The following PSMA2 variants were observed in gnomAD, a reference collection of about 807,000 sequenced individuals.
PSMA2 encodes proteasome 20S subunit alpha 2, also known as proteasome subunit alpha type-2.
In PSMA2, 2 loss-of-function variants were observed where a neutral mutation model predicts 35.9. That is an observed-to-expected ratio of 0.06 (90% CI 0.02 to 0.18). PSMA2 has a LOEUF of 0.18. Among genes scored for constraint, PSMA2 ranks in the 10% least tolerant of loss-of-function variants. The pLI, the probability that PSMA2 is intolerant of heterozygous loss-of-function variation, is 1.00. For missense variants in PSMA2, 126 were observed against 278.8 expected (o/e 0.45, Z 3.90); for synonymous variants, 97 against 98.2 (o/e 0.99, Z 0.07).
intron 6 of PSMA2, chr7:42,919,009 A>G: frequency 4.0e-6 from 1 of 249,630 alleles, no homozygotes. Flanking sequence ...TTTTTAGTAG[A>G]GACGGGGTTT....
At chr7:42,922,505 A>C (rs1401275661) in intron 5 of PSMA2, among the ~76,000 whole-genome samples, 1 of 152,148 alleles carries the variant, frequency 6.6e-6, no homozygotes, top group Non-Finnish European at 1.5e-5. Flanking sequence ...ACAAAAGATA[A>C]AATCAGGATT....
chr7:42,919,767 T>C, intron 6 of PSMA2: 1 of 638,222 alleles, frequency 1.6e-6, no homozygotes, highest in Non-Finnish European at 2.9e-6. Flanking sequence ...TTGTTGCAGG[T>C]GGTGAAGATG....
At chr7:42,924,353 C>CAAAAAAAAAAAAAA (rs58198756) in intron 4 of PSMA2, among the ~76,000 whole-genome samples, 2 of 69,422 alleles carry the variant, frequency 2.9e-5, no homozygotes, top group African/African-American at 1.2e-4. Flanking sequence ...GACTCTGACT[C>CAAAAAAAAAAAAAA]AAAAAAAAAA....
At chr7:42,922,989 A>G (rs1213949067) in intron 5 of PSMA2, among the ~76,000 whole-genome samples, 1 of 152,212 alleles carries the variant, frequency 6.6e-6, no homozygotes, top group Non-Finnish European at 1.5e-5. Flanking sequence ...GATGGCAAAC[A>G]CTACAACACT....
chr7:42,919,326 A>T, intron 6 of PSMA2: 1 of 585,782 alleles, frequency 1.7e-6, no homozygotes, highest in Non-Finnish European at 3.4e-6. Flanking sequence ...AGATGAACTG[A>T]TGACCCTGGC....
intron 1 of PSMA2, among the ~76,000 whole-genome samples, chr7:42,929,207 TA>T (rs1324969066): frequency 6.6e-6 from 1 of 152,192 alleles, no homozygotes; most frequent in East Asian, 1.9e-4. Flanking sequence ...GAAACAGACC[TA>T]AGGGTGACAG....
At chr7:42,931,986 G>T in intron 1 of PSMA2, 132 bp downstream of exon 1, 1 of 1,222,776 alleles carries the variant, frequency 8.2e-7, no homozygotes. Context: ...ACTTTGCAAA[G>T]CCGCATTTCC....
intron 1 of PSMA2, 109 bp downstream of exon 1, chr7:42,932,009 T>C: frequency 7.1e-7 from 1 of 1,415,584 alleles, no homozygotes; most frequent in Non-Finnish European, 1.0e-6. Flanking sequence ...CTCCATTCCC[T>C]ACTGGACCCT....
Position 42,931,445 on chromosome 7 carries a change from A to T in PSMA2, c.41+673T>A, listed in dbSNP as rs631210. Among the ~76,000 whole-genome samples, 837 of 152,332 alleles carry T rather than the reference A, an allele frequency of 5.5e-3. 4 individuals carry two copies. Among genetic ancestry groups the T allele is most frequent in the Non-Finnish European group, 8.7e-3 (589 of 68,030 alleles). On this transcript the variant is annotated intron_variant, in intron 1 of 7. Coordinates refer to ENST00000223321, the MANE Select transcript of PSMA2 (RefSeq NM_002787.5). ...TCTAATCCCCTTTTCTACAATAGAA[A>T]AACCTACAATCTTGTTTAAAGTAAA...
intron 3 of PSMA2, among the ~76,000 whole-genome samples, chr7:42,925,262 A>C (rs769697502): frequency 6.6e-6 from 1 of 152,190 alleles, no homozygotes; most frequent in Non-Finnish European, 1.5e-5. Flanking sequence ...ACAGTAAGAA[A>C]CTACTTGTAA....
In PSMA2 at chr7:42,932,154, G is replaced by A. The variant is rs1250056473; in HGVS notation, c.5C>T (p.Ala2Val). Residue 2 changes from alanine (A) to valine (V), a missense_variant, in exon 1 of 8, where the codon GCG becomes GTG. By Grantham distance (64) the Ala-to-Val change is moderately conservative. This residue lies in a region of PSMA2 where 78 missense variants were observed against 151.1 expected (regional missense o/e 0.52). Transcript: ENST00000223321. ...CAGCGAAAAGCTGTACCCGCGCTCC[G>A]CCATCTTTACCCGAAGAGCCAAAGC... M[A>V]ERGYSFSLTT... 3.1e-6 allele frequency: 5 copies of A among 1,614,032 alleles called. No homozygotes were observed. The highest frequency in any genetic ancestry group is 2.2e-5 in the South Asian group (2 of 91,080).
intron 4 of PSMA2, among the ~76,000 whole-genome samples, chr7:42,924,149 G>A (rs1418948269): frequency 6.7e-6 from 1 of 149,510 alleles, no homozygotes; most frequent in Non-Finnish European, 1.5e-5. Context: ...TTTGAAACCA[G>A]CCTGGCCAAC....
chr7:42,920,746 TAAC>T (rs1786114318), intron 6 of PSMA2: 1 of 152,204 alleles, frequency 6.6e-6, no homozygotes, highest in Admixed American at 6.5e-5. Context: ...TTAATAACCT[TAAC>T]GTTACGTGAA....
At chr7:42,919,078 C>G (rs1786083939) in intron 6 of PSMA2, 2 of 323,624 alleles carry the variant, frequency 6.2e-6, no homozygotes, top group Non-Finnish European at 1.2e-5. Flanking sequence ...CCTGCCTTGG[C>G]CTCCCAAAGT....
intron 6 of PSMA2, chr7:42,919,172 T>C (rs1210162401): frequency 5.3e-6 from 3 of 570,092 alleles, no homozygotes; most frequent in South Asian, 3.1e-5. Flanking sequence ...GGCAAACCTA[T>C]GCTATGCCAG....
chr7:42,931,060 A>G, intron 1 of PSMA2: 1 of 352,938 alleles, frequency 2.8e-6, no homozygotes, highest in South Asian at 2.0e-5. Flanking sequence ...GTTATCAGAA[A>G]AAAAACCCAG....
chr7:42,924,324 A>G (rs973932053), intron 4 of PSMA2, among the ~76,000 whole-genome samples: 1 of 125,662 alleles, frequency 8.0e-6, no homozygotes, highest in Non-Finnish European at 1.6e-5. Context: ...ATTGCACTCC[A>G]GCCTGGGCGA....
chr7:42,916,908 C>T lies in PSMA2; in HGVS notation c.*666G>A, dbSNP rs1786039479. 1 of 152,152 alleles carries T rather than the reference C, an allele frequency of 6.6e-6. No individual in the cohort carries two copies. The highest frequency in any genetic ancestry group is 1.5e-5 in the Non-Finnish European group (1 of 68,030). 9.4% of individuals were successfully genotyped at this position (152,152 alleles called of 1,614,324 possible). A position where few individuals can be genotyped will look rare whatever the true frequency, so the allele number is the denominator to read the frequency against. ...TTTTATTTCAAGCACTTATGCTCATCCTTGAGTTTAAAAAGTCTAACAAAA... is the reference window on the plus strand; with the variant it reads ...TTTTATTTCAAGCACTTATGCTCATTCTTGAGTTTAAAAAGTCTAACAAAA... On this transcript the variant is annotated 3_prime_UTR_variant, in exon 8 of 8. Transcript: ENST00000223321.
rs184733480 is a variant in PSMA2, at chr7:42,920,446, C to T, written c.530+1412G>A. 2.7e-3 allele frequency: 417 copies of T among 152,626 alleles called. 2 individuals carry two copies. The highest frequency in any genetic ancestry group is 4.1e-3 in the Non-Finnish European group (281 of 68,280). 9.5% of individuals were successfully genotyped at this position (152,626 alleles called of 1,614,324 possible). On this transcript the variant is annotated intron_variant, in intron 6 of 7. Coordinates refer to ENST00000223321, the MANE Select transcript of PSMA2 (RefSeq NM_002787.5). ...ATTGGCTTATTTGTCTGACTTTTCC[C>T]TTAAAGCAGAATGTCTTTGTTGCTA...
Sources: gnomAD v4.1 joint callset for allele counts (sites outside exome capture counted in the v4.1 genomes callset) on GRCh38, gnomAD v4.1.1 for gene constraint, gnomAD v4.1.1 regional missense constraint, MANE v1.5 for transcripts, NCBI Gene and HGNC (gene_info 2026-07-23, HGNC 2026-07-21) for gene names.